TBC1D22A: variants seen among roughly 807,000 people sequenced by gnomAD.
The protein encoded by TBC1D22A is putative GTPase activator.
TBC1D22A carries 38 observed loss-of-function variants against 60.2 expected under a neutral mutation model. That is an observed-to-expected ratio of 0.63 (90% confidence interval 0.49 to 0.83). The LOEUF (loss-of-function observed/expected upper bound fraction) is 0.83. Ranked by LOEUF, TBC1D22A falls within the 40% of genes least tolerant of loss-of-function variation. The pLI, the probability that TBC1D22A is intolerant of heterozygous loss-of-function variation, is 0.00. For synonymous variants in TBC1D22A, 302 were observed against 281.7 expected (o/e 1.07, Z -0.72); for missense variants, 628 against 701.0 (o/e 0.90, Z 1.18).
At chr22:46,768,542 G>A (rs1039391895) in intron 1 of TBC1D22A, among the ~76,000 whole-genome samples, 2 of 151,652 alleles carry the variant, frequency 1.3e-5, no homozygotes, top group Non-Finnish European at 2.9e-5. Context: ...TGACTGTCTG[G>A]GCTGGTTCTT....
chr22:46,762,880 CA>C lies in TBC1D22A; in HGVS notation c.62+33del, dbSNP rs1487073750. Reference sequence around the variant, plus strand: ...GTGCCGCGGAGGGCCAGGTCGGGGTCAGGGGTCAGAGGTCAGGTGGCCGCGT... The same window carrying C: ...GTGCCGCGGAGGGCCAGGTCGGGGTCGGGGTCAGAGGTCAGGTGGCCGCGT... On this transcript the variant is annotated intron_variant, in intron 1 of 12. Coordinates refer to ENST00000337137, the MANE Select transcript of TBC1D22A (RefSeq NM_014346.5). 6.1e-6 allele frequency: 9 copies of C among 1,471,438 alleles called. No individual in the cohort carries two copies. The East Asian group carries it at 2.1e-4, about 34-fold the overall frequency. 91.1% of individuals were successfully genotyped at this position (1,471,438 alleles called of 1,614,324 possible).
At chr22:47,070,364 C>T (rs2063935947) in intron 11 of TBC1D22A, among the ~76,000 whole-genome samples, 1 of 147,062 alleles carries the variant, frequency 6.8e-6, no homozygotes, top group Non-Finnish European at 1.5e-5. Context: ...CCTGACGGTC[C>T]TGGCTGTTCC....
intron 12 of TBC1D22A, among the ~76,000 whole-genome samples, chr22:47,171,761 C>T (rs1238065382): frequency 6.6e-6 from 1 of 152,114 alleles, no homozygotes; most frequent in Non-Finnish European, 1.5e-5. Context: ...GGGGGGTCCC[C>T]CGAGGACCTG....
At chr22:47,156,122 T>G (rs2067709323) in intron 12 of TBC1D22A, among the ~76,000 whole-genome samples, 1 of 152,162 alleles carries the variant, frequency 6.6e-6, no homozygotes, top group South Asian at 2.1e-4. Context: ...TCTTATCTCT[T>G]GGAGAAGCTG....
At chr22:47,069,180 GTT>G (rs771294884) in intron 11 of TBC1D22A, among the ~76,000 whole-genome samples, 1 of 152,218 alleles carries the variant, frequency 6.6e-6, no homozygotes, top group Non-Finnish European at 1.5e-5. Flanking sequence ...GCAAAAGCAA[GTT>G]TTTAGAGGAA....
chr22:46,878,186 A>T (rs1297133853), intron 4 of TBC1D22A, among the ~76,000 whole-genome samples: 2 of 151,340 alleles, frequency 1.3e-5, no homozygotes, highest in South Asian at 2.1e-4. Context: ...GAAAAACCAC[A>T]TCATATATGT....
At chr22:47,141,673 GATTTGAGCCACACGCCT>G (rs921176169) in intron 12 of TBC1D22A, among the ~76,000 whole-genome samples, 1 of 152,226 alleles carries the variant, frequency 6.6e-6, no homozygotes, top group African/African-American at 2.4e-5. Context: ...AAGGAAATGA[GATTTGAGCCACACGCCT>G]GTTTGTGCCA....
At chr22:46,986,219 G>GT (rs1485021198) in intron 9 of TBC1D22A, among the ~76,000 whole-genome samples, 1 of 152,200 alleles carries the variant, frequency 6.6e-6, no homozygotes, top group Non-Finnish European at 1.5e-5. Context: ...GTGTGTGTCT[G>GT]TTTCGGGACA....
intron 8 of TBC1D22A, among the ~76,000 whole-genome samples, chr22:46,961,433 G>A (rs148291885): frequency 3.0e-4 from 46 of 152,178 alleles, no homozygotes; most frequent in East Asian, 9.7e-4. Flanking sequence ...TTGTATTCAC[G>A]TTACATTTAG....
At chr22:46,992,306 G>A (rs151128393) in intron 9 of TBC1D22A, among the ~76,000 whole-genome samples, 2,606 of 152,382 alleles carry the variant, frequency 0.017, 36 homozygotes, top group Middle Eastern at 0.085. Flanking sequence ...GGGACGACCC[G>A]TCCGAAACGT....
chr22:46,894,148 G>A (rs183726515), intron 6 of TBC1D22A, among the ~76,000 whole-genome samples: 2 of 152,330 alleles, frequency 1.3e-5, no homozygotes, highest in Middle Eastern at 3.4e-3. Context: ...AGATGTTCAC[G>A]TGGGATGTCG....
intron 4 of TBC1D22A, among the ~76,000 whole-genome samples, chr22:46,856,350 C>T (rs949010658): frequency 3.3e-5 from 5 of 152,196 alleles, no homozygotes; most frequent in African/African-American, 1.2e-4. Flanking sequence ...CTGTTACCAG[C>T]AAAGGCTGCT....
intron 4 of TBC1D22A, among the ~76,000 whole-genome samples, chr22:46,804,385 A>G (rs2085039063): frequency 3.3e-5 from 5 of 152,268 alleles, no homozygotes; most frequent in Admixed American, 3.3e-4. Context: ...CTGTTTCCAC[A>G]TGCTGTATTA....
chr22:46,955,979 G>A (rs1383748078), intron 8 of TBC1D22A, among the ~76,000 whole-genome samples: 2 of 152,128 alleles, frequency 1.3e-5, no homozygotes, highest in South Asian at 2.1e-4. Context: ...AAGCCATTGG[G>A]TACATTGATT....
At chr22:46,987,153 C>G (rs1033125438) in intron 9 of TBC1D22A, among the ~76,000 whole-genome samples, 9 of 152,204 alleles carry the variant, frequency 5.9e-5, no homozygotes, top group African/African-American at 1.9e-4. Flanking sequence ...AAGTCACACA[C>G]TGTACTCAGA....
At chr22:46,955,252 C>G (rs141233279) in intron 8 of TBC1D22A, among the ~76,000 whole-genome samples, 1 of 152,330 alleles carries the variant, frequency 6.6e-6, no homozygotes, top group East Asian at 1.9e-4. Flanking sequence ...TTACCCAAAG[C>G]AGGGTTAATT....
chr22:46,773,825 G>A (rs747406549), intron 1 of TBC1D22A: 18 of 582,778 alleles, frequency 3.1e-5, no homozygotes, highest in Non-Finnish European at 3.7e-5. Context: ...AGCTGGGGGT[G>A]GTACCGTGTG....
Position 46,945,555 on chromosome 22 carries a change from C to T in TBC1D22A, c.1016-28735C>T, listed in dbSNP as rs377410101. Among the ~76,000 whole-genome samples, 24 of 152,276 alleles carry T rather than the reference C, an allele frequency of 1.6e-4. No individual in the cohort carries two copies. The East Asian group carries it at 1.7e-3, about 11-fold the overall frequency. ...CTAACCCAGGCTGCAGCTGTGCTGA[C>T]GGCATTTCTCGTTATGGGGAAAGGT... On this transcript the variant is annotated intron_variant, in intron 8 of 12. Transcript: ENST00000337137.
chr22:46,893,070 C>T (rs1009198279), intron 6 of TBC1D22A, among the ~76,000 whole-genome samples: 1 of 152,210 alleles, frequency 6.6e-6, no homozygotes, highest in Non-Finnish European at 1.5e-5. Flanking sequence ...GGACTGAGCC[C>T]GACCAGCCGT....
Sources: allele counts gnomAD v4.1 joint callset (sites outside exome capture counted in the v4.1 genomes callset), GRCh38; gene constraint gnomAD v4.1.1; transcripts MANE v1.5; gene names NCBI Gene and HGNC (gene_info 2026-07-23, HGNC 2026-07-21).